TTN: variants seen among roughly 807,000 people sequenced by gnomAD.
TTN encodes the protein connectin.
A neutral mutation model predicts 3,223.0 loss-of-function variants in TTN; 1,525 were observed. The observed-to-expected ratio is 0.47, with a 90% CI of 0.45 to 0.49. The LOEUF is 0.49. TTN is among the 20% of genes least tolerant of loss of function. The pLI is 0.00. For missense variants in TTN, 40,786 were observed against 43,424.0 expected (o/e 0.94, Z 5.40); for synonymous variants, 14,094 against 15,161.0 (o/e 0.93, Z 5.17).
Position 178,631,120 on chromosome 2 carries a change from A to T in TTN, c.43928T>A (p.Ile14643Asn). The stretch of plus-strand genomic sequence containing the variant: ...ATCTGATTTCAAGGCTTTCTTTAGG[A>T]TTAGCATGCGTTTCTTGCCATCTGC... ...IKADGKKRML[I>N]LKKALKSDIG... The change falls in exon 237 of 363, where the codon ATC becomes AAC. Residue 14643 changes from isoleucine to asparagine, a missense_variant. Physicochemically the swap from Ile to Asn is moderately radical, Grantham distance 149 (BLOSUM62 -3). Transcript: ENST00000589042. 1.9e-6 allele frequency: 3 copies of T among 1,613,308 alleles called. No individual in the cohort carries two copies. Among genetic ancestry groups the T allele is most frequent in the Non-Finnish European group, 2.5e-6 (3 of 1,179,576 alleles).
rs56821960 is a variant in TTN at position 178,707,039 on chromosome 2, G to A, written c.29042-85C>T. On this transcript the variant is annotated intron_variant, in intron 100 of 362. Transcript: ENST00000589042. The stretch of plus-strand genomic sequence containing the variant: ...CCCTTTGTAAAATAAGCCTTAGGAG[G>A]TTGGCAGTTTGATAAGTAAGTACTG... 1,578 of 1,257,118 alleles carry A rather than the reference G, an allele frequency of 1.3e-3. 13 individuals carry two copies. In the African/African-American group the frequency reaches 0.021, roughly 17 times the overall value. The allele number at this position is 1,257,118 out of a possible 1,614,324, so 77.9% of individuals were successfully genotyped here. A position where few individuals can be genotyped will look rare whatever the true frequency, so the allele number is the denominator to read the frequency against.
intron 282 of TTN, among the ~76,000 whole-genome samples, chr2:178,603,326 T>C (rs539999763): frequency 9.2e-5 from 14 of 152,090 alleles, no homozygotes; most frequent in African/African-American, 3.1e-4. Context: ...ATGTAGCAAA[T>C]AGGATGAATT....
chr2:178,562,509 C>A lies in TTN; in HGVS notation c.83623G>T (p.Val27875Leu). The A allele has an allele frequency of 6.2e-7, 1 of 1,612,098 alleles. No individual in the cohort carries two copies. ...LPPGRVTLVD[V>L]TRNTATIKWE... ...TTAATTGTAGCTGTATTACGGGTCA[C>A]ATCAACAAGAGTTACTCTTCCAGGT... is the stretch of plus-strand genomic sequence containing the variant. Residue 27875 changes from valine (V) to leucine (L), a missense_variant, in exon 326 of 363, where the codon GTG becomes TTG. Val to Leu is a conservative substitution (Grantham distance 32). Coordinates refer to ENST00000589042, the MANE Select transcript of TTN (RefSeq NM_001267550.2).
Position 178,722,539 on chromosome 2 carries a change from T to G in TTN, c.22248A>C (p.Gln7416His). 6.2e-7 allele frequency: 1 copy of G among 1,611,300 alleles called. No homozygotes were observed. The highest frequency in any genetic ancestry group is 8.5e-7 in the Non-Finnish European group (1 of 1,178,306). The change falls in exon 77 of 363, where the codon CAA (glutamine) becomes CAC (histidine). Residue 7416 changes from glutamine (Q) to histidine (H), a missense_variant. Transcript: ENST00000589042. ...ATTGTCTTGCAAAAGAAGGTGGGAG[T>G]TGGCGCTCTGTAGGGAGACATGTAA... ...SKTVFRIQER[Q>H]LPPSFARQLK...
intron 223 of TTN, among the ~76,000 whole-genome samples, chr2:178,638,981 T>C (rs569804980): frequency 6.6e-5 from 10 of 152,156 alleles, no homozygotes; most frequent in Admixed American, 1.3e-4. Context: ...ATATCTCAAA[T>C]TATCACTTAA....
In TTN at chr2:178,557,349, C is replaced by G. The variant is rs1272677805; in HGVS notation, c.87913G>C (p.Gly29305Arg). ...THFKVTTISAGLIYEFRVYAE... is the reference protein window; with the variant it reads ...THFKVTTISARLIYEFRVYAE... Reference sequence around the variant, plus strand: ...TACACCCTGAATTCATAAATAAGTCCAGCACTGATTGTTGTGACTTTGAAG... The same window carrying G: ...TACACCCTGAATTCATAAATAAGTCGAGCACTGATTGTTGTGACTTTGAAG... Residue 29305 changes from glycine to arginine, a missense_variant, in exon 329 of 363, where the codon GGA (glycine) becomes CGA (arginine). Gly to Arg is a moderately radical substitution (Grantham distance 125). Coordinates refer to ENST00000589042, the MANE Select transcript of TTN (RefSeq NM_001267550.2). 6.2e-7 allele frequency: 1 copy of G among 1,613,904 alleles called. No homozygotes were observed. The highest frequency in any genetic ancestry group is 1.7e-5 in the Admixed American group (1 of 60,006).
Position 178,559,470 on chromosome 2 carries a change from T to C in TTN, c.86662A>G (p.Ser28888Gly), listed in dbSNP as rs1197285138. Reference sequence around the variant, plus strand: ...GTCACAGAGACCCATGCTTTCTTGCTGGCCTCACGTTTTTCTATGTGGTAA... The same window carrying C: ...GTCACAGAGACCCATGCTTTCTTGCCGGCCTCACGTTTTTCTATGTGGTAA... ...KNYHIEKREA[S>G]KKAWVSVTNN... The change falls in exon 326 of 363, where the codon AGC (serine) becomes GGC (glycine). Residue 28888 changes from serine (S) to glycine (G), a missense_variant. Physicochemically the swap from Ser to Gly is moderately conservative, Grantham distance 56 (BLOSUM62 0). Transcript: ENST00000589042. The C allele has an allele frequency of 1.9e-6, 3 of 1,613,774 alleles. No homozygotes were observed. The highest frequency in any genetic ancestry group is 4.5e-5 in the East Asian group (2 of 44,854).
chr2:178,711,415 T>C (rs1028779048), intron 96 of TTN, 66 bp from the exon 97 acceptor site: 3 of 1,451,204 alleles, frequency 2.1e-6, no homozygotes, highest in South Asian at 1.5e-5. Flanking sequence ...CAATTATATA[T>C]ATACAAACGC....
chr2:178,585,062 C>CT lies in TTN; in HGVS notation c.64672+9dup. 1 of 1,605,496 alleles carries CT rather than the reference C, an allele frequency of 6.2e-7. No individual in the cohort carries two copies. The highest frequency in any genetic ancestry group is 8.5e-7 in the Non-Finnish European group (1 of 1,176,312). ...TATTTAGATGGCCATTTGTCTAATA[C>CT]TTAACTTACCCATGACTACAACTTT... On this transcript the variant is annotated intron_variant, in intron 309 of 362. Coordinates refer to ENST00000589042, the MANE Select transcript of TTN (RefSeq NM_001267550.2).
At chr2:178,617,588 TATC>T (rs1343258317) in intron 253 of TTN, 76 bp from the exon 254 acceptor site, 2 of 1,441,294 alleles carry the variant, frequency 1.4e-6, no homozygotes, top group African/African-American at 1.5e-5. Flanking sequence ...TAATCAATTA[TATC>T]ATCCTCATTA....
At position 178,704,557 on chromosome 2, in the gene TTN, C is replaced by T. The variant is rs752814410; in HGVS notation, c.29915G>A (p.Arg9972Gln). Reference protein sequence around the residue: ...NCQLKDQGNYRLVCGPHIASA... With the variant: ...NCQLKDQGNYQLVCGPHIASA... Reference sequence around the variant, plus strand: ...AGCGATGTGTGGACCACAAACCAATCGATAATTGCCCTGGTCTTTAAGTTG... The same window carrying T: ...AGCGATGTGTGGACCACAAACCAATTGATAATTGCCCTGGTCTTTAAGTTG... Residue 9972 changes from arginine (R) to glutamine (Q), a missense_variant, in exon 105 of 363, where the codon CGA becomes CAA. Arg to Gln is a conservative substitution (Grantham distance 43). Transcript: ENST00000589042. 5 of 1,613,400 alleles carry T rather than the reference C, an allele frequency of 3.1e-6. No homozygotes were observed. Among genetic ancestry groups the T allele is most frequent in the Middle Eastern group, 1.6e-4 (1 of 6,062 alleles).
intron 250 of TTN, 82 bp downstream of exon 250, chr2:178,619,539 G>T: frequency 6.5e-7 from 1 of 1,539,094 alleles, no homozygotes; most frequent in South Asian, 1.2e-5. Flanking sequence ...ACCCTCACAA[G>T]GATTACCTCA....
rs1233877374 is a variant in TTN, at chr2:178,563,764, C to T, written c.82368G>A (p.Leu27456=). The part of the protein sequence containing the change: ...AVNKYGIGEP[L]ESGPVTACNP... ...TACAGGCCGTAACAGGCCCAGATTC[C>T]AAGGGCTCTCCAATTCCATATTTAT... Residue 27456 remains leucine (L), a synonymous_variant, in exon 326 of 363, where the codon TTG becomes TTA. Transcript: ENST00000589042. This position sits in a 1 kb window ranked among gnomAD's most constrained non-coding sequence, Gnocchi z 4.5. 8.7e-6 allele frequency: 14 copies of T among 1,613,662 alleles called. No homozygotes were observed. Among genetic ancestry groups the T allele is most frequent in the Non-Finnish European group, 1.2e-5 (14 of 1,179,738 alleles).
At chr2:178,649,945 T>A in intron 210 of TTN, 51 bp from the exon 211 acceptor site, 2 of 1,560,040 alleles carry the variant, frequency 1.3e-6, no homozygotes, top group Non-Finnish European at 1.7e-6. Context: ...ATGAAAAATT[T>A]AATGCTAATG....
rs917573806 is a variant in TTN, at chr2:178,734,809, G to A, written c.15115C>T (p.Leu5039Phe). The A allele has an allele frequency of 6.2e-7, 1 of 1,613,814 alleles. No homozygotes were observed. Among genetic ancestry groups the A allele is most frequent in the Non-Finnish European group, 8.5e-7 (1 of 1,179,768 alleles). ...TCAACTTTTACATCCGTAATATCAA[G>A]TATAGCCTCAGAATTGACAAAATAC... ...RMYFVNSEAI[L>F]DITDVKVEDS... The change falls in exon 51 of 363, where the codon CTT becomes TTT. Residue 5039 changes from leucine (L) to phenylalanine (F), a missense_variant. Transcript: ENST00000589042.
At position 178,792,368 on chromosome 2, in the gene TTN, C is replaced by T. The variant is rs139234578; in HGVS notation, c.1537-171G>A. ...TCATAAATAAGATCATGCTCTTTCTCTCCTTAAACTGTAAATTATGTAGGC... is the reference window on the plus strand; with the variant it reads ...TCATAAATAAGATCATGCTCTTTCTTTCCTTAAACTGTAAATTATGTAGGC... On this transcript the variant is annotated intron_variant, in intron 9 of 362. Coordinates refer to ENST00000589042, the MANE Select transcript of TTN (RefSeq NM_001267550.2). 2.7e-3 allele frequency among the ~76,000 whole-genome samples: 415 copies of T among 152,274 alleles called. 1 individual carries two copies. The highest frequency in any genetic ancestry group is 9.5e-3 in the African/African-American group (394 of 41,568).
At chr2:178,612,001 G>A (rs1337444050) in intron 267 of TTN, 47 bp from the exon 268 acceptor site, 3 of 1,604,122 alleles carry the variant, frequency 1.9e-6, no homozygotes, top group Non-Finnish European at 2.5e-6. Flanking sequence ...AAAAAACACA[G>A]TTAAGAATTT....
At chr2:178,635,031 T>A in intron 228 of TTN, 134 bp downstream of exon 228, 1 of 1,418,680 alleles carries the variant, frequency 7.0e-7, no homozygotes, top group East Asian at 2.3e-5. Context: ...GTAAAATTTC[T>A]TTCCTTCTTG....
At chr2:178,733,189 T>C in intron 54 of TTN, 50 bp downstream of exon 54, 1 of 1,556,090 alleles carries the variant, frequency 6.4e-7, no homozygotes, top group Non-Finnish European at 8.7e-7. Flanking sequence ...CTTTAGGCCA[T>C]TTGTTGGGTT....
Sources: allele counts gnomAD v4.1 joint callset (sites outside exome capture counted in the v4.1 genomes callset), GRCh38; gene constraint gnomAD v4.1.1; non-coding constraint Gnocchi (gnomAD v3.1); transcripts MANE v1.5; gene names NCBI Gene and HGNC (gene_info 2026-07-23, HGNC 2026-07-21).